PDGFD: variants seen among roughly 807,000 people sequenced by gnomAD.
PDGFD encodes platelet-derived growth factor D.
Under a neutral mutation model 44.7 loss-of-function variants are expected in PDGFD, and 30 were observed. The ratio of observed to expected loss-of-function variants is 0.67; its 90% CI spans 0.50 to 0.91. PDGFD has a LOEUF of 0.91. Ranked by LOEUF, PDGFD falls within the 40% of genes least tolerant of loss-of-function variation. The pLI is 0.00. For synonymous variants in PDGFD, 173 were observed against 168.4 expected, an observed-to-expected ratio of 1.03 and a Z score of -0.21; for missense variants, 445 against 457.8, an observed-to-expected ratio of 0.97 and a Z score of 0.25.
At chr11:104,058,025 C>T (rs966834792) in intron 1 of PDGFD, among the ~76,000 whole-genome samples, 16 of 152,038 alleles carry the variant, frequency 1.1e-4, no homozygotes, top group South Asian at 4.1e-4. Flanking sequence ...TAACTCAAAA[C>T]AGATCATAGA....
At chr11:104,160,018 A>G (rs1192776746) in intron 1 of PDGFD, among the ~76,000 whole-genome samples, 1 of 152,180 alleles carries the variant, frequency 6.6e-6, no homozygotes, top group Non-Finnish European at 1.5e-5. Flanking sequence ...TACACAGAAG[A>G]GATTCTTTGC....
At chr11:104,014,984 G>A (rs982375799) in intron 1 of PDGFD, among the ~76,000 whole-genome samples, 4 of 152,184 alleles carry the variant, frequency 2.6e-5, no homozygotes, top group African/African-American at 7.2e-5. Flanking sequence ...TTCATCCTAA[G>A]TATGATCCCA....
chr11:104,141,962 T>C (rs1160549903), intron 1 of PDGFD, among the ~76,000 whole-genome samples: 2 of 152,232 alleles, frequency 1.3e-5, no homozygotes, highest in Admixed American at 6.5e-5. Context: ...ATACCATCTT[T>C]ATAGCCTGGC....
chr11:104,100,963 G>A (rs1565334940), intron 1 of PDGFD, among the ~76,000 whole-genome samples: 1 of 152,028 alleles, frequency 6.6e-6, no homozygotes, highest in Non-Finnish European at 1.5e-5. Flanking sequence ...AAAATAATAA[G>A]AGCTATTTAT....
At chr11:104,054,287 A>G (rs767202906) in intron 1 of PDGFD, among the ~76,000 whole-genome samples, 1 of 152,210 alleles carries the variant, frequency 6.6e-6, no homozygotes, top group Non-Finnish European at 1.5e-5. Context: ...TGGCTACTCA[A>G]TGTCCTCATC....
intron 2 of PDGFD, 67 bp from the exon 3 acceptor site, chr11:103,996,312 G>T: frequency 7.4e-7 from 1 of 1,344,034 alleles, no homozygotes; most frequent in Non-Finnish European, 1.0e-6. Context: ...TACTTTCACT[G>T]AGAAATTAAA....
intron 1 of PDGFD, among the ~76,000 whole-genome samples, chr11:104,121,174 A>T (rs1333754670): frequency 6.6e-6 from 1 of 152,070 alleles, no homozygotes; most frequent in Non-Finnish European, 1.5e-5. Context: ...TTAGATTTTA[A>T]AGAACAAATT....
chr11:104,013,202 TTCCTGCTCCCCA>T (rs1222207527), intron 1 of PDGFD, among the ~76,000 whole-genome samples: 1 of 152,154 alleles, frequency 6.6e-6, no homozygotes, highest in Non-Finnish European at 1.5e-5. Flanking sequence ...TCCATCTCTT[TTCCTGCTCCCCA>T]TCCTGCTGAG....
intron 1 of PDGFD, among the ~76,000 whole-genome samples, chr11:104,018,177 G>C (rs928983593): frequency 1.3e-5 from 2 of 150,354 alleles, no homozygotes; most frequent in Non-Finnish European, 3.0e-5. Flanking sequence ...CAGACTAAAA[G>C]CTTCTGGAAA....
chr11:104,057,852 G>A (rs551763936), intron 1 of PDGFD, among the ~76,000 whole-genome samples: 2 of 152,130 alleles, frequency 1.3e-5, no homozygotes, highest in South Asian at 2.1e-4. Flanking sequence ...AATAGAGTCC[G>A]GAAAGAGACC....
At position 103,943,485 on chromosome 11, in the gene PDGFD, G is replaced by T. The variant is rs775015662; in HGVS notation, c.739C>A (p.Arg247=). ...ENMYLDTPRY[R]GRSYHDRKSK... ...TTCCGGTCATGGTATGACCTGCCTC[G>T]ATACCGAGGGGTGTCCAGATACATA... Residue 247 remains arginine, a synonymous_variant, in exon 5 of 7, where the codon CGA becomes AGA. Coordinates refer to ENST00000393158, the MANE Select transcript of PDGFD (RefSeq NM_025208.5). 6.2e-7 allele frequency: 1 copy of T among 1,612,820 alleles called. No homozygotes were observed. Among genetic ancestry groups the T allele is most frequent in the East Asian group, 2.2e-5 (1 of 44,864 alleles).
At chr11:104,119,276 AATATAATATATTG>A (rs1861713363) in intron 1 of PDGFD, among the ~76,000 whole-genome samples, 7 of 11,022 alleles carry the variant, frequency 6.4e-4, no homozygotes, top group African/African-American at 2.0e-3. Flanking sequence ...ATAATATATT[AATATAATATATTG>A]ATATAATATA....
chr11:104,137,720 G>C, intron 1 of PDGFD, among the ~76,000 whole-genome samples: 1 of 134,716 alleles, frequency 7.4e-6, no homozygotes, highest in South Asian at 2.5e-4. Context: ...TAGTGATATA[G>C]ATCACCACTT....
chr11:103,944,780 G>A (rs961590018), intron 4 of PDGFD, among the ~76,000 whole-genome samples: 8 of 152,146 alleles, frequency 5.3e-5, no homozygotes, highest in African/African-American at 1.9e-4. Context: ...ATGATCATCT[G>A]CTCTCAGAGT....
At chr11:104,007,527 T>C (rs1859722176) in intron 1 of PDGFD, among the ~76,000 whole-genome samples, 1 of 152,214 alleles carries the variant, frequency 6.6e-6, no homozygotes, top group African/African-American at 2.4e-5. Context: ...CAAACAGTGA[T>C]ATAGTTGCAG....
chr11:104,026,189 A>C (rs2134385862), intron 1 of PDGFD, among the ~76,000 whole-genome samples: 1 of 152,262 alleles, frequency 6.6e-6, no homozygotes, highest in East Asian at 1.9e-4. Context: ...TTTTCTCTTC[A>C]TTCTTCTCAG....
At chr11:104,036,832 A>G (rs1442728192) in intron 1 of PDGFD, 2 of 1,613,632 alleles carry the variant, frequency 1.2e-6, no homozygotes, top group Admixed American at 1.7e-5. Flanking sequence ...CATGCTGATC[A>G]CCGTGTACTG....
intron 1 of PDGFD, among the ~76,000 whole-genome samples, chr11:104,087,366 G>A (rs1170770472): frequency 1.3e-5 from 2 of 151,716 alleles, no homozygotes; most frequent in Non-Finnish European, 2.9e-5. Context: ...CTGCCACCAC[G>A]CCTGCCTAAT....
chr11:104,067,382 C>A (rs943402653), intron 1 of PDGFD, among the ~76,000 whole-genome samples: 1 of 151,864 alleles, frequency 6.6e-6, no homozygotes, highest in Non-Finnish European at 1.5e-5. Context: ...AAAAATATAC[C>A]GAACAATTTT....
Sources: gnomAD v4.1 joint callset for allele counts (sites outside exome capture counted in the v4.1 genomes callset) on GRCh38, gnomAD v4.1.1 for gene constraint, MANE v1.5 for transcripts, NCBI Gene and HGNC (gene_info 2026-07-23, HGNC 2026-07-21) for gene names.